The following AHCTF1 variants were observed in gnomAD, a reference collection of about 807,000 sequenced individuals.
The protein encoded by AHCTF1 is AT-hook containing transcription factor 1.
AHCTF1 carries 24 observed loss-of-function variants against 248.4 expected under a neutral mutation model. The observed-to-expected ratio is 0.10, with a 90% CI of 0.07 to 0.14. AHCTF1 has a LOEUF of 0.14. AHCTF1 is among the 10% of genes least tolerant of loss of function. The probability of loss-of-function intolerance (pLI) is 1.00; values close to 1 mark genes in which losing one functional copy is unlikely to be tolerated. For synonymous variants in AHCTF1, 786 were observed against 929.8 expected, an observed-to-expected ratio of 0.85 and a Z score of 2.81; for missense variants, 2,206 against 2,636.2, an observed-to-expected ratio of 0.84 and a Z score of 3.57.
intron 31 of AHCTF1, among the ~76,000 whole-genome samples, chr1:246,853,993 T>A (rs1452663406): frequency 1.3e-5 from 2 of 152,084 alleles, no homozygotes; most frequent in Non-Finnish European, 2.9e-5. Context: ...CTTTATTGGA[T>A]ACAACAATAA....
rs747799982 is a variant in AHCTF1 at position 246,918,373 on chromosome 1, T to C, written c.-3A>G. 16 of 1,606,490 alleles carry C rather than the reference T, an allele frequency of 1.0e-5. No homozygotes were observed. The highest frequency in any genetic ancestry group is 1.4e-5 in the Non-Finnish European group (16 of 1,176,802). ...ACTTGAGCTCTTAAGTCTCGCATAC[T>C]TCCACTGTAAATATTTTTAAAAGAA... is the stretch of plus-strand genomic sequence containing the variant. On this transcript the variant is annotated 5_prime_UTR_variant, in exon 2 of 36. Transcript: ENST00000648844.
In AHCTF1 at chr1:246,867,025, C is replaced by T. The variant is rs184099934; in HGVS notation, c.3347+219G>A. ...TCATGAGACAAACTTCACTCCTGTC[C>T]ACTAAGCAGTCTGAAATTATTGAAC... On this transcript the variant is annotated intron_variant, in intron 26 of 35. Transcript: ENST00000648844. Among the ~76,000 whole-genome samples, 1,048 of 152,240 alleles carry T rather than the reference C, an allele frequency of 6.9e-3. 4 individuals carry two copies. The highest frequency in any genetic ancestry group is 0.012 in the Non-Finnish European group (802 of 67,994).
chr1:246,919,801 A>C (rs560670894), intron 1 of AHCTF1, among the ~76,000 whole-genome samples: 1 of 152,174 alleles, frequency 6.6e-6, no homozygotes, highest in African/African-American at 2.4e-5. Context: ...TATCCTCTGG[A>C]ATCTCAAAGA....
intron 21 of AHCTF1, among the ~76,000 whole-genome samples, chr1:246,883,569 T>C (rs2103121299): frequency 6.6e-6 from 1 of 152,358 alleles, no homozygotes; most frequent in South Asian, 2.1e-4. Context: ...AGCTTTCTCC[T>C]AAGATGTTTC....
intron 33 of AHCTF1, among the ~76,000 whole-genome samples, chr1:246,847,016 G>A (rs544286361): frequency 7.9e-5 from 12 of 152,340 alleles, no homozygotes; most frequent in Admixed American, 7.8e-4. Context: ...GCTGGGCACA[G>A]TGGCTCATGC....
At position 246,913,311 on chromosome 1, in the gene AHCTF1, G is replaced by A. The variant is rs772322671; in HGVS notation, c.477C>T (p.Val159=). The A allele has an allele frequency of 6.2e-7, 1 of 1,613,898 alleles. No homozygotes were observed. Among genetic ancestry groups the A allele is most frequent in the South Asian group, 1.1e-5 (1 of 91,060 alleles). The change falls in exon 4 of 36, where the codon GTC becomes GTT. Residue 159 remains valine (V), a synonymous_variant. Coordinates refer to ENST00000648844, the MANE Select transcript of AHCTF1 (RefSeq NM_001323342.2). ...LRWLFGVAAV[V]TDVGQILLVD... The stretch of plus-strand genomic sequence containing the variant: ...CAAGAAGGATCTGTCCAACATCAGT[G>A]ACCACAGCTGCCACTCCAAAAAGCC...
chr1:246,867,112 A>G, intron 26 of AHCTF1, 132 bp downstream of exon 26: 1 of 569,042 alleles, frequency 1.8e-6, no homozygotes. Context: ...TGCCCAAAGT[A>G]TAATAAAAAG....
At position 246,898,160 on chromosome 1, in the gene AHCTF1, A is replaced by G. The variant is rs753214869; in HGVS notation, c.1623+48T>C. ...ACATTTTTACTGTAATAGAAAGCTAATAACGTGATCCAACCAAAAGAAACA... is the reference window on the plus strand; with the variant it reads ...ACATTTTTACTGTAATAGAAAGCTAGTAACGTGATCCAACCAAAAGAAACA... On this transcript the variant is annotated intron_variant, in intron 12 of 35. Transcript: ENST00000648844. The G allele has an allele frequency of 7.5e-6, 12 of 1,606,364 alleles. 1 individual carries two copies. The East Asian group carries it at 2.2e-4, about 30-fold the overall frequency.
chr1:246,860,778 T>C, intron 29 of AHCTF1, 121 bp downstream of exon 29: 1 of 1,337,276 alleles, frequency 7.5e-7, no homozygotes, highest in Non-Finnish European at 1.0e-6. Flanking sequence ...AGTGCTGAGA[T>C]TAACTAGCAT....
At chr1:246,858,653 C>A (rs1482466778) in intron 29 of AHCTF1, among the ~76,000 whole-genome samples, 1 of 151,758 alleles carries the variant, frequency 6.6e-6, no homozygotes, top group African/African-American at 2.4e-5. Context: ...CATGGTGAAA[C>A]CCCGCCTCTA....
At chr1:246,921,128 A>C (rs1451829130) in intron 1 of AHCTF1, among the ~76,000 whole-genome samples, 16 of 152,188 alleles carry the variant, frequency 1.1e-4, no homozygotes, top group Admixed American at 1.0e-3. Flanking sequence ...TAAAAGCAGC[A>C]GAAAATACAC....
intron 1 of AHCTF1, chr1:246,931,072 G>C: frequency 1.3e-6 from 2 of 1,541,972 alleles, no homozygotes; most frequent in Non-Finnish European, 1.8e-6. Context: ...AATCGGGTGA[G>C]CTGGAACCTC....
intron 1 of AHCTF1, among the ~76,000 whole-genome samples, chr1:246,929,973 A>C (rs188101913): frequency 6.6e-6 from 1 of 151,754 alleles, no homozygotes; most frequent in African/African-American, 2.4e-5. Context: ...AATCGCTTGA[A>C]CCTGGGAGAC....
chr1:246,924,603 T>A (rs772092889), intron 1 of AHCTF1, among the ~76,000 whole-genome samples: 1 of 151,940 alleles, frequency 6.6e-6, no homozygotes, highest in Non-Finnish European at 1.5e-5. Flanking sequence ...CACATCTTAG[T>A]CCCCTCCCCC....
In AHCTF1 at chr1:246,849,654, A is replaced by G. The variant is rs1660547320; in HGVS notation, c.6352T>C (p.Leu2118=). 2 of 1,612,964 alleles carry G rather than the reference A, an allele frequency of 1.2e-6. No homozygotes were observed. The highest frequency in any genetic ancestry group is 1.7e-6 in the Non-Finnish European group (2 of 1,179,228). Reference sequence around the variant, plus strand: ...GGAACTTCTGACGCTGGAGAAAATAAAGGCTCATTGTTTGGTTCAGAAAGG... The same window carrying G: ...GGAACTTCTGACGCTGGAGAAAATAGAGGCTCATTGTTTGGTTCAGAAAGG... ...PDLSEPNNEP[L]FSPASEVPRK... Residue 2118 remains leucine, a synonymous_variant, in exon 33 of 36, where the codon TTA becomes CTA. Transcript: ENST00000648844.
At chr1:246,868,704 C>T (rs1275681596) in intron 24 of AHCTF1, among the ~76,000 whole-genome samples, 2 of 151,188 alleles carry the variant, frequency 1.3e-5, no homozygotes, top group Non-Finnish European at 2.9e-5. Flanking sequence ...TATGCATACA[C>T]TAGTAAATAA....
chr1:246,848,461 A>G (rs1019365877), intron 33 of AHCTF1, among the ~76,000 whole-genome samples: 2 of 151,502 alleles, frequency 1.3e-5, no homozygotes, highest in Non-Finnish European at 2.9e-5. Flanking sequence ...TTGGCCTCCC[A>G]AAGTGCTGGG....
chr1:246,853,113 G>A lies in AHCTF1; in HGVS notation c.4541C>T (p.Pro1514Leu), dbSNP rs1188103326. ...PEEKLPISDS[P>L]PDTQEIHVIE... Reference sequence around the variant, plus strand: ...TACATGAATTTCTTGAGTATCAGGAGGGCTGTCAGAAATTGGAAGCTTTTC... The same window carrying A: ...TACATGAATTTCTTGAGTATCAGGAAGGCTGTCAGAAATTGGAAGCTTTTC... The change falls in exon 32 of 36, where the codon CCT becomes CTT. Residue 1514 changes from proline to leucine, a missense_variant. Pro to Leu is a moderately conservative substitution (Grantham distance 98, BLOSUM62 -3). Transcript: ENST00000648844. 2 of 1,609,174 alleles carry A rather than the reference G, an allele frequency of 1.2e-6. No homozygotes were observed. The highest frequency in any genetic ancestry group is 2.2e-5 in the East Asian group (1 of 44,842).
intron 4 of AHCTF1, among the ~76,000 whole-genome samples, chr1:246,910,451 A>G (rs1242261047): frequency 6.6e-6 from 1 of 152,242 alleles, no homozygotes; most frequent in Non-Finnish European, 1.5e-5. Context: ...TGATTATGTA[A>G]TAAAATATCC....
Sources: gnomAD v4.1 joint callset for allele counts (sites outside exome capture counted in the v4.1 genomes callset) on GRCh38, gnomAD v4.1.1 for gene constraint, MANE v1.5 for transcripts, NCBI Gene and HGNC (gene_info 2026-07-23, HGNC 2026-07-21) for gene names.